The following GFOD1 variants were observed in gnomAD, a reference collection of about 807,000 sequenced individuals.
GFOD1 encodes glucose-fructose oxidoreductase domain-containing protein 1.
GFOD1 carries 9 observed loss-of-function variants against 25.4 expected under a neutral mutation model. The observed-to-expected ratio is 0.35, with a 90% CI of 0.21 to 0.62. The LOEUF (loss-of-function observed/expected upper bound fraction) is 0.62, where lower values mean the gene tolerates loss of function less well. Ranked by LOEUF, GFOD1 falls within the 20% of genes least tolerant of loss-of-function variation. The probability of loss-of-function intolerance (pLI) is 0.72; values close to 1 mark genes in which losing one functional copy is unlikely to be tolerated. For synonymous variants in GFOD1, 253 were observed against 245.6 expected, an observed-to-expected ratio of 1.03 and a Z score of -0.28; for missense variants, 403 against 556.9, an observed-to-expected ratio of 0.72 and a Z score of 2.78.
intron 1 of GFOD1, among the ~76,000 whole-genome samples, chr6:13,445,911 A>G (rs915851354): frequency 2.0e-5 from 3 of 152,220 alleles, no homozygotes; most frequent in South Asian, 2.1e-4. Context: ...TGATCTTTTC[A>G]TAGAGCATCA....
At chr6:13,406,850 T>C (rs1785955965) in intron 1 of GFOD1, among the ~76,000 whole-genome samples, 1 of 152,176 alleles carries the variant, frequency 6.6e-6, no homozygotes, top group South Asian at 2.1e-4. Flanking sequence ...CACAGTGTGA[T>C]AGCAAATATA....
At chr6:13,477,216 G>T (rs2841551) in intron 1 of GFOD1, among the ~76,000 whole-genome samples, 11,719 of 140,700 alleles carry the variant, frequency 0.083, 790 homozygotes, top group African/African-American at 0.17. Flanking sequence ...ACCAATAGGG[G>T]GTGTGTGTGT....
In GFOD1 at chr6:13,466,953, C is replaced by T. The variant is rs1040486415; in HGVS notation, c.253+19685G>A. 2.6e-5 allele frequency among the ~76,000 whole-genome samples: 4 copies of T among 152,136 alleles called. No individual in the cohort carries two copies. The East Asian group carries it at 5.8e-4, about 22-fold the overall frequency. On this transcript the variant is annotated intron_variant, in intron 1 of 1. Coordinates refer to ENST00000379287, the MANE Select transcript of GFOD1 (RefSeq NM_018988.4). ...ACATACACATATGCACACATACACA[C>T]ACGTATACATACACACACACTACTG... is the stretch of plus-strand genomic sequence containing the variant.
At chr6:13,469,799 A>C in intron 1 of GFOD1, 11 of 1,119,012 alleles carry the variant, frequency 9.8e-6, no homozygotes, top group Non-Finnish European at 1.3e-5. Context: ...GAAATTTCTC[A>C]CTTGTAAGAT....
intron 1 of GFOD1, among the ~76,000 whole-genome samples, chr6:13,367,922 G>A (rs1006853443): frequency 1.2e-4 from 19 of 152,106 alleles, no homozygotes; most frequent in Admixed American, 3.3e-4. Context: ...CACTCCAGCC[G>A]CAGATGTGGG....
intron 1 of GFOD1, among the ~76,000 whole-genome samples, chr6:13,478,832 G>A (rs1025942859): frequency 6.6e-6 from 1 of 152,106 alleles, no homozygotes; most frequent in Non-Finnish European, 1.5e-5. Context: ...AAATTCAGAG[G>A]GTTTCTGGTT....
chr6:13,407,324 C>A (rs1429825533), intron 1 of GFOD1, among the ~76,000 whole-genome samples: 1 of 152,176 alleles, frequency 6.6e-6, no homozygotes, highest in East Asian at 1.9e-4. Flanking sequence ...GATGACCCCA[C>A]CATTTGGCTT....
At chr6:13,391,205 G>A (rs1785597967) in intron 1 of GFOD1, among the ~76,000 whole-genome samples, 1 of 152,126 alleles carries the variant, frequency 6.6e-6, no homozygotes. Context: ...GTGAGAAATG[G>A]ACTTCAATTC....
intron 1 of GFOD1, among the ~76,000 whole-genome samples, chr6:13,381,760 G>T (rs1445226314): frequency 1.3e-5 from 2 of 152,024 alleles, no homozygotes. Context: ...AAGGGGTGTG[G>T]ACAGGTGGTT....
intron 1 of GFOD1, among the ~76,000 whole-genome samples, chr6:13,390,741 A>C (rs1238443843): frequency 8.0e-6 from 1 of 125,702 alleles, no homozygotes; most frequent in African/African-American, 3.6e-5. Context: ...AAAAGAAAGA[A>C]AGACAGGAAG....
At position 13,469,813 on chromosome 6, in the gene GFOD1, G is replaced by A. The variant is rs565377216; in HGVS notation, c.253+16825C>T. The A allele has an allele frequency of 1.1e-5, 12 of 1,092,818 alleles. No individual in the cohort carries two copies. The South Asian group carries it at 1.6e-4, about 15-fold the overall frequency. The allele number at this position is 1,092,818 out of a possible 1,614,324, so 67.7% of individuals were successfully genotyped here. ...TGAAATTTCTCACTTGTAAGATGGA[G>A]ATGCTAAATGTCCACATTGGAGGTT... On this transcript the variant is annotated intron_variant, in intron 1 of 1. Transcript: ENST00000379287.
intron 1 of GFOD1, among the ~76,000 whole-genome samples, chr6:13,450,209 C>A (rs1584659222): frequency 6.6e-6 from 1 of 152,286 alleles, no homozygotes; most frequent in African/African-American, 2.4e-5. Flanking sequence ...CTAGGTGGGG[C>A]TGAGGGGGAC....
At chr6:13,468,885 T>C (rs1758425618) in intron 1 of GFOD1, among the ~76,000 whole-genome samples, 1 of 151,982 alleles carries the variant, frequency 6.6e-6, no homozygotes, top group Non-Finnish European at 1.5e-5. Flanking sequence ...TGGAACCAAA[T>C]GTGTTTAAGC....
intron 1 of GFOD1, among the ~76,000 whole-genome samples, chr6:13,409,991 G>T (rs2127565819): frequency 7.1e-6 from 1 of 141,634 alleles, no homozygotes. Flanking sequence ...TTTCTAAAAT[G>T]ATACGGATTT....
At chr6:13,463,443 A>G (rs9382118) in intron 1 of GFOD1, among the ~76,000 whole-genome samples, 23,481 of 152,280 alleles carry the variant, frequency 0.15, 2,048 homozygotes, top group South Asian at 0.26. Flanking sequence ...ATACGGGGCC[A>G]GTGGCTACCA....
chr6:13,410,005 G>GTTTTTTTTTTT (rs56252038), intron 1 of GFOD1, among the ~76,000 whole-genome samples: 1 of 121,592 alleles, frequency 8.2e-6, no homozygotes, highest in Non-Finnish European at 1.6e-5. Flanking sequence ...CGGATTTTTA[G>GTTTTTTTTTTT]TTTTTTTTTT....
chr6:13,485,239 C>T (rs1415811062), intron 1 of GFOD1, among the ~76,000 whole-genome samples: 1 of 152,202 alleles, frequency 6.6e-6, no homozygotes, highest in Non-Finnish European at 1.5e-5. Context: ...AAATGCCTTT[C>T]TATGGAGAAA....
chr6:13,413,392 C>G (rs973258673), intron 1 of GFOD1, among the ~76,000 whole-genome samples: 1 of 152,208 alleles, frequency 6.6e-6, no homozygotes, highest in Non-Finnish European at 1.5e-5. Context: ...CTGGAGTCAG[C>G]ATGCACAATG....
At chr6:13,427,126 C>T (rs1012216362) in intron 1 of GFOD1, among the ~76,000 whole-genome samples, 1 of 152,222 alleles carries the variant, frequency 6.6e-6, no homozygotes, top group African/African-American at 2.4e-5. Context: ...GATCACAATG[C>T]ACCTTTTTCA....
Sources: gnomAD v4.1 joint callset for allele counts (sites outside exome capture counted in the v4.1 genomes callset) on GRCh38, gnomAD v4.1.1 for gene constraint, MANE v1.5 for transcripts, NCBI Gene and HGNC (gene_info 2026-07-23, HGNC 2026-07-21) for gene names.